Variants in TANC2 observed in about 807,000 individuals in gnomAD.
TANC2 encodes the protein tetratricopeptide repeat, ankyrin repeat and coiled-coil containing 2.
TANC2 carries 26 observed loss-of-function variants against 210.5 expected under a neutral mutation model. The observed-to-expected ratio is 0.12, with a 90% CI of 0.09 to 0.17. The LOEUF is 0.17. Ranked by LOEUF, TANC2 falls within the 10% of genes least tolerant of loss-of-function variation. TANC2 has a pLI of 1.00. For missense variants in TANC2, 2,129 were observed against 2,608.9 expected (o/e 0.82, Z 4.01); for synonymous variants, 931 against 967.1 (o/e 0.96, Z 0.69).
Position 63,379,829 on chromosome 17 carries a change from A to G in TANC2, c.2691+3A>G. On this transcript the variant is annotated splice_donor_region_variant and intron_variant, in intron 15 of 27. Coordinates refer to ENST00000689528, the Ensembl canonical transcript of TANC2. ...TCCTCAAAGCACACATTTTTAAGGT[A>G]ATTAAAGCAGTTGGAACCATTTTTC... The G allele has an allele frequency of 1.2e-6, 2 of 1,608,246 alleles. No homozygotes were observed. Among genetic ancestry groups the G allele is most frequent in the Non-Finnish European group, 8.5e-7 (1 of 1,176,642 alleles).
intron 1 of TANC2, among the ~76,000 whole-genome samples, chr17:62,986,612 T>C (rs1033267780): frequency 4.0e-5 from 6 of 151,720 alleles, no homozygotes; most frequent in Non-Finnish European, 1.5e-5. Flanking sequence ...TGAGGCTGTT[T>C]CTTAGACCTG....
intron 11 of TANC2, among the ~76,000 whole-genome samples, chr17:63,324,785 A>G (rs915441258): frequency 6.6e-6 from 1 of 152,106 alleles, no homozygotes; most frequent in Non-Finnish European, 1.5e-5. Flanking sequence ...TACCTCTTCC[A>G]CTAGAATGGG....
chr17:63,344,099 G>A (rs942880953), intron 12 of TANC2, among the ~76,000 whole-genome samples: 2 of 152,194 alleles, frequency 1.3e-5, no homozygotes, highest in African/African-American at 2.4e-5. Context: ...GACGGCTACC[G>A]CCTGAGCTCC....
At chr17:63,202,672 T>G (rs2041574403) in intron 7 of TANC2, among the ~76,000 whole-genome samples, 1 of 152,112 alleles carries the variant, frequency 6.6e-6, no homozygotes, top group Non-Finnish European at 1.5e-5. Flanking sequence ...TTTTCCTCTA[T>G]CGCTCTGGGC....
intron 11 of TANC2, among the ~76,000 whole-genome samples, chr17:63,338,353 A>AAT (rs1567929145): frequency 2.0e-5 from 3 of 152,228 alleles, no homozygotes; most frequent in Non-Finnish European, 4.4e-5. Context: ...TAATAAAATC[A>AAT]GTAAAATAAT....
At chr17:63,094,239 C>G (rs150297674) in intron 3 of TANC2, among the ~76,000 whole-genome samples, 32 of 151,952 alleles carry the variant, frequency 2.1e-4, no homozygotes, top group Non-Finnish European at 4.0e-4. Flanking sequence ...TTAAACTTCT[C>G]GGGGCCTGTT....
chr17:63,414,483 G>C (rs778837008), intron 25 of TANC2, among the ~76,000 whole-genome samples: 1 of 152,128 alleles, frequency 6.6e-6, no homozygotes, highest in South Asian at 2.1e-4. Context: ...TTGATTTTAC[G>C]TGACTTCATA....
chr17:63,087,918 A>G (rs1294782800), intron 3 of TANC2, among the ~76,000 whole-genome samples: 2 of 152,192 alleles, frequency 1.3e-5, no homozygotes. Flanking sequence ...ATGTAAGAAG[A>G]GTTGTTGATT....
intron 21 of TANC2, among the ~76,000 whole-genome samples, chr17:63,407,862 G>C (rs1786279650): frequency 6.6e-6 from 1 of 152,180 alleles, no homozygotes; most frequent in Non-Finnish European, 1.5e-5. Context: ...TAACATAGAT[G>C]AAAGGCCAAA....
intron 1 of TANC2, among the ~76,000 whole-genome samples, chr17:62,982,172 A>G (rs2032337613): frequency 6.6e-6 from 1 of 152,186 alleles, no homozygotes; most frequent in Admixed American, 6.6e-5. Context: ...CCTATCCTGC[A>G]TCATTTTATT....
At chr17:63,132,129 C>A (rs2038939210) in intron 4 of TANC2, among the ~76,000 whole-genome samples, 2 of 152,212 alleles carry the variant, frequency 1.3e-5, no homozygotes, top group South Asian at 4.1e-4. Flanking sequence ...AGTAAAATGA[C>A]AGAAATCACA....
rs748756535 is a variant in TANC2 at position 63,420,381 on chromosome 17, G to T, written c.4651G>T (p.Asp1551Tyr). ...ACCTCTTGGCTCTCATCAGGTTTTTGACTTCCGGTCCAGTAGTTCTGTAGG... is the reference window on the plus strand; with the variant it reads ...ACCTCTTGGCTCTCATCAGGTTTTTTACTTCCGGTCCAGTAGTTCTGTAGG... The change falls in exon 28 of 28, where the codon GAC (aspartate) becomes TAC (tyrosine). Residue 1551 changes from aspartate to tyrosine, a missense_variant. Around this residue, in one of 5 missense-constraint regions of TANC2, gnomAD observed 584 missense variants for 627.3 expected, o/e 0.93. Transcript: ENST00000689528. The surrounding 1 kb of genome is among the most constrained non-coding windows in gnomAD (Gnocchi z 4.2). 6.2e-7 allele frequency: 1 copy of T among 1,613,748 alleles called. No homozygotes were observed. The highest frequency in any genetic ancestry group is 8.5e-7 in the Non-Finnish European group (1 of 1,179,874).
Position 63,065,986 on chromosome 17 carries a change from A to G in TANC2, c.68-7957A>G, listed in dbSNP as rs542868410. Among the ~76,000 whole-genome samples the G allele has an allele frequency of 3.3e-5, 5 of 152,172 alleles. No individual in the cohort carries two copies. In the East Asian group the frequency reaches 9.7e-4, roughly 29 times the overall value. ...GCACCCAGTGGTGCGATCATGGCTC[A>G]CTGCAGTCTTGACCTCCCAGGCTTA... On this transcript the variant is annotated intron_variant, in intron 2 of 27. Coordinates refer to ENST00000689528, the Ensembl canonical transcript of TANC2.
At chr17:63,326,297 A>G (rs1431346044) in intron 11 of TANC2, among the ~76,000 whole-genome samples, 1 of 152,234 alleles carries the variant, frequency 6.6e-6, no homozygotes, top group Non-Finnish European at 1.5e-5. Flanking sequence ...TGGACTTTTT[A>G]ATTAAATGGG....
chr17:63,366,160 A>G (rs1290243094), intron 14 of TANC2, among the ~76,000 whole-genome samples: 1 of 152,134 alleles, frequency 6.6e-6, no homozygotes, highest in Non-Finnish European at 1.5e-5. Context: ...CCACAACTCA[A>G]CAGATAGTAT....
intron 9 of TANC2, among the ~76,000 whole-genome samples, chr17:63,283,999 T>G (rs1427621803): frequency 1.3e-5 from 2 of 151,996 alleles, no homozygotes; most frequent in Non-Finnish European, 2.9e-5. Flanking sequence ...AGTACAATGT[T>G]GAGTAGAAAC....
At chr17:63,397,411 A>C (rs2048201916) in intron 18 of TANC2, among the ~76,000 whole-genome samples, 1 of 152,248 alleles carries the variant, frequency 6.6e-6, no homozygotes, top group Non-Finnish European at 1.5e-5. Context: ...ACTTATAACG[A>C]AAGTTTGACA....
intron 7 of TANC2, among the ~76,000 whole-genome samples, chr17:63,205,141 G>A (rs1255327626): frequency 6.6e-6 from 1 of 151,804 alleles, no homozygotes; most frequent in African/African-American, 2.4e-5. Flanking sequence ...TGCATATATG[G>A]TCAAATGGTT....
At chr17:63,013,258 C>T (rs761757686) in intron 2 of TANC2, among the ~76,000 whole-genome samples, 2 of 151,858 alleles carry the variant, frequency 1.3e-5, no homozygotes, top group Admixed American at 6.6e-5. Context: ...TACTTTTATG[C>T]GAGTATAATT....
Sources: allele counts gnomAD v4.1 joint callset (sites outside exome capture counted in the v4.1 genomes callset), GRCh38; gene constraint gnomAD v4.1.1; regional missense constraint gnomAD v4.1.1; non-coding constraint Gnocchi (gnomAD v3.1); transcripts MANE v1.5; gene names NCBI Gene and HGNC (gene_info 2026-07-23, HGNC 2026-07-21).